The following TP73 variants were observed in gnomAD, a reference collection of about 807,000 sequenced individuals.
The protein encoded by TP73 is tumor protein p73.
Under a neutral mutation model 62.5 loss-of-function variants are expected in TP73, and 25 were observed. The ratio of observed to expected loss-of-function variants is 0.40; its 90% CI spans 0.29 to 0.56. The LOEUF is 0.56. Among genes scored for constraint, TP73 ranks in the 20% least tolerant of loss-of-function variants. The pLI is 0.46. For missense variants in TP73, 754 were observed against 913.3 expected (o/e 0.83, Z 2.25); for synonymous variants, 423 against 377.5 (o/e 1.12, Z -1.40).
At chr1:3,717,522 C>T (rs894040750) in intron 4 of TP73, among the ~76,000 whole-genome samples, 2 of 152,334 alleles carry the variant, frequency 1.3e-5, no homozygotes, top group East Asian at 3.9e-4. Flanking sequence ...ATCCATCTAG[C>T]GGTTCTAGGG....
At chr1:3,719,890 T>TGTGTGTG (rs1640919589) in intron 4 of TP73, among the ~76,000 whole-genome samples, 1 of 132,146 alleles carries the variant, frequency 7.6e-6, no homozygotes, top group Non-Finnish European at 1.6e-5. Flanking sequence ...TTTTTTCTCT[T>TGTGTGTG]TGTGTGTGTG....
intron 6 of TP73, 36 bp downstream of exon 6, chr1:3,723,505 A>T: frequency 9.5e-6 from 11 of 1,155,462 alleles, no homozygotes; most frequent in Non-Finnish European, 1.4e-5. Flanking sequence ...AGGGCCCTGC[A>T]GTCAGCTGTA....
At chr1:3,665,231 A>G (rs1645084532) in intron 1 of TP73, among the ~76,000 whole-genome samples, 1 of 152,174 alleles carries the variant, frequency 6.6e-6, no homozygotes, top group South Asian at 2.1e-4. Flanking sequence ...ATTTTTGATC[A>G]GGGACGGCTC....
chr1:3,677,405 G>C (rs912952054), intron 1 of TP73, among the ~76,000 whole-genome samples: 1 of 152,162 alleles, frequency 6.6e-6, no homozygotes, highest in Non-Finnish European at 1.5e-5. Flanking sequence ...CTTGTCTGAG[G>C]CCTCATGGAA....
intron 4 of TP73, among the ~76,000 whole-genome samples, chr1:3,708,924 T>C (rs1639900204): frequency 6.6e-6 from 1 of 152,170 alleles, no homozygotes; most frequent in Non-Finnish European, 1.5e-5. Context: ...CTGAAGTCCA[T>C]GCAGGGCGGC....
intron 13 of TP73, 50 bp from the exon 14 acceptor site, chr1:3,732,697 G>A: frequency 2.0e-6 from 3 of 1,504,316 alleles, no homozygotes; most frequent in Non-Finnish European, 2.7e-6. Flanking sequence ...GACCCCCCCT[G>A]CTCTCCCTGC....
At chr1:3,706,950 T>C (rs1021094589) in intron 3 of TP73, among the ~76,000 whole-genome samples, 4 of 149,546 alleles carry the variant, frequency 2.7e-5, no homozygotes, top group Non-Finnish European at 1.5e-5. Flanking sequence ...CACCGAGAGA[T>C]GAGGCCGCCC....
intron 10 of TP73, 76 bp from the exon 11 acceptor site, chr1:3,729,924 G>A (rs1641995587): frequency 1.3e-6 from 2 of 1,488,262 alleles, no homozygotes; most frequent in Admixed American, 2.2e-5. Flanking sequence ...CAGCATGGGG[G>A]CATCACGGGC....
intron 4 of TP73, among the ~76,000 whole-genome samples, chr1:3,713,781 G>A (rs575721355): frequency 6.6e-5 from 10 of 152,286 alleles, no homozygotes; most frequent in African/African-American, 9.6e-5. Context: ...CACTCCAGGC[G>A]GACAGCGTGA....
chr1:3,673,600 G>A (rs1327337854), intron 1 of TP73, among the ~76,000 whole-genome samples: 1 of 152,232 alleles, frequency 6.6e-6, no homozygotes, highest in Non-Finnish European at 1.5e-5. Flanking sequence ...GCGCGGCAGA[G>A]GTGGGCTGCG....
chr1:3,711,846 A>ATG (rs3841787), intron 4 of TP73, among the ~76,000 whole-genome samples: 2,123 of 150,204 alleles, frequency 0.014, 35 homozygotes, highest in African/African-American at 0.045. Context: ...GAGCGTGTGT[A>ATG]TGTGTGTGTG....
intron 1 of TP73, among the ~76,000 whole-genome samples, chr1:3,660,944 G>C (rs1340286027): frequency 2.0e-5 from 3 of 152,104 alleles, no homozygotes; most frequent in African/African-American, 4.8e-5. Context: ...AACTAATATA[G>C]AATGTATCAG....
At chr1:3,661,335 AAAT>A (rs1236197669) in intron 1 of TP73, among the ~76,000 whole-genome samples, 1 of 152,204 alleles carries the variant, frequency 6.6e-6, no homozygotes, top group East Asian at 1.9e-4. Flanking sequence ...GATCATTATG[AAAT>A]AATACTTAAT....
chr1:3,718,026 A>G (rs1369363179), intron 4 of TP73, among the ~76,000 whole-genome samples: 1 of 152,160 alleles, frequency 6.6e-6, no homozygotes, highest in Admixed American at 6.5e-5. Context: ...TCGCCTGAGG[A>G]CAGGGGCCTC....
chr1:3,690,652 G>A (rs1570457486), intron 3 of TP73: 5 of 1,394,144 alleles, frequency 3.6e-6, no homozygotes, highest in Non-Finnish European at 4.7e-6. Context: ...ATAAAGGGGT[G>A]GGCCGCGGGT....
At chr1:3,715,258 C>T (rs889602676) in intron 4 of TP73, among the ~76,000 whole-genome samples, 1 of 152,178 alleles carries the variant, frequency 6.6e-6, no homozygotes, top group Non-Finnish European at 1.5e-5. Context: ...TCCCACCTGA[C>T]ACCTCTGTAG....
At chr1:3,702,904 G>A (rs3765744) in intron 3 of TP73, among the ~76,000 whole-genome samples, 28 of 152,352 alleles carry the variant, frequency 1.8e-4, no homozygotes, top group East Asian at 1.7e-3. Flanking sequence ...GGGAGACCCC[G>A]GGCTCCTGTG....
chr1:3,682,144 G>A (rs1312747883), intron 1 of TP73, among the ~76,000 whole-genome samples, 189 bp from the exon 2 acceptor site: 4 of 152,210 alleles, frequency 2.6e-5, no homozygotes, highest in African/African-American at 9.7e-5. Flanking sequence ...CCTGGCCTTC[G>A]GTTTCCAGCC....
Position 3,733,375 on chromosome 1 carries a change from G to T in TP73, c.*296G>T. 2.1e-6 allele frequency: 1 copy of T among 468,798 alleles called. No homozygotes were observed. The highest frequency in any genetic ancestry group is 3.8e-6 in the Non-Finnish European group (1 of 261,536). The allele number at this position is 468,798 out of a possible 1,614,324, so 29.0% of individuals were successfully genotyped here. A position where few individuals can be genotyped will look rare whatever the true frequency, so the allele number is the denominator to read the frequency against. The stretch of plus-strand genomic sequence containing the variant: ...TGCCACTGCCCCGGCGTGCTCCATG[G>T]CAGGCGTGGGTGGGGACCGCAGCGT... On this transcript the variant is annotated 3_prime_UTR_variant, in exon 14 of 14. Transcript: ENST00000378295.
Sources: allele counts gnomAD v4.1 joint callset (sites outside exome capture counted in the v4.1 genomes callset), GRCh38; gene constraint gnomAD v4.1.1; transcripts MANE v1.5; gene names NCBI Gene and HGNC (gene_info 2026-07-23, HGNC 2026-07-21).